Variants in CUX2 observed in about 807,000 individuals in gnomAD.
CUX2 encodes the protein homeobox protein cut-like 2.
In CUX2, 40 loss-of-function variants were observed where a neutral mutation model predicts 144.8. The observed-to-expected ratio is 0.28, with a 90% CI of 0.21 to 0.36. CUX2 has a LOEUF of 0.36. Among genes scored for constraint, CUX2 ranks in the 10% least tolerant of loss-of-function variants. CUX2 has a pLI of 1.00. For missense variants in CUX2, 1,615 were observed against 1,994.0 expected (o/e 0.81, Z 3.62); for synonymous variants, 827 against 875.6 (o/e 0.94, Z 0.98).
intron 16 of CUX2, among the ~76,000 whole-genome samples, chr12:111,318,802 G>A (rs1278666941): frequency 1.3e-5 from 2 of 151,628 alleles, no homozygotes; most frequent in Non-Finnish European, 2.9e-5. Flanking sequence ...AGACCCTGAG[G>A]TACAGGTGTG....
At chr12:111,133,179 A>T (rs1246234473) in intron 1 of CUX2, among the ~76,000 whole-genome samples, 1 of 151,936 alleles carries the variant, frequency 6.6e-6, no homozygotes. Flanking sequence ...ACATTTCCAC[A>T]TTTTCCTGTC....
intron 3 of CUX2, among the ~76,000 whole-genome samples, chr12:111,228,706 G>A (rs901164615): frequency 5.3e-5 from 8 of 152,138 alleles, no homozygotes; most frequent in African/African-American, 1.9e-4. Flanking sequence ...TTACAGGTGT[G>A]AGCCACTGTG....
At chr12:111,208,534 C>T (rs1457220478) in intron 1 of CUX2, among the ~76,000 whole-genome samples, 1 of 152,196 alleles carries the variant, frequency 6.6e-6, no homozygotes, top group Non-Finnish European at 1.5e-5. Context: ...AGCCAAGACC[C>T]ACCCTCCCCT....
At chr12:111,127,320 C>T (rs1167481110) in intron 1 of CUX2, among the ~76,000 whole-genome samples, 1 of 152,210 alleles carries the variant, frequency 6.6e-6, no homozygotes. Context: ...AGGGTCTGGG[C>T]CATTAGCAGT....
intron 1 of CUX2, among the ~76,000 whole-genome samples, chr12:111,188,588 G>A (rs1879693580): frequency 2.0e-5 from 3 of 152,142 alleles, no homozygotes; most frequent in Admixed American, 2.0e-4. Flanking sequence ...AAGGTCCTGA[G>A]GTAGCCAGAT....
intron 1 of CUX2, among the ~76,000 whole-genome samples, chr12:111,088,977 C>A (rs1159315972): frequency 2.6e-5 from 4 of 152,144 alleles, no homozygotes; most frequent in Non-Finnish European, 5.9e-5. Flanking sequence ...GAGTTACGAC[C>A]CCCTCCCCAC....
At position 111,255,394 on chromosome 12, in the gene CUX2, G is replaced by A. The variant is rs7295764; in HGVS notation, c.223-8367G>A. Among the ~76,000 whole-genome samples the A allele has an allele frequency of 0.25, 38,019 of 152,196 alleles. 5,300 individuals are homozygous for A. The highest frequency in any genetic ancestry group is 0.46 in the East Asian group (2,373 of 5,186). Reference sequence around the variant, plus strand: ...ATCACTGATGGATGGCAGAGAGCACGTTAGCACTCGCCAGGGAACGGGGGC... The same window carrying A: ...ATCACTGATGGATGGCAGAGAGCACATTAGCACTCGCCAGGGAACGGGGGC... On this transcript the variant is annotated intron_variant, in intron 3 of 21. Coordinates refer to ENST00000261726, the MANE Select transcript of CUX2 (RefSeq NM_015267.4). This position sits in a 1 kb window ranked among gnomAD's most constrained non-coding sequence, Gnocchi z 4.1.
rs1274247703 is a variant in CUX2, at chr12:111,349,618, A to G, written c.*1293A>G. 1.3e-5 allele frequency: 2 copies of G among 152,126 alleles called. No individual in the cohort carries two copies. Among genetic ancestry groups the G allele is most frequent in the East Asian group, 1.9e-4 (1 of 5,184 alleles). 9.4% of individuals were successfully genotyped at this position (152,126 alleles called of 1,614,324 possible). ...AATCTATCCTCCTACCTTCCAACGC[A>G]TGACCTGTTGGGGAGCAGAGACTTA... is the stretch of plus-strand genomic sequence containing the variant. On this transcript the variant is annotated 3_prime_UTR_variant, in exon 22 of 22. Transcript: ENST00000261726.
chr12:111,122,653 GTCTGGGATCT>G (rs1455168293), intron 1 of CUX2, among the ~76,000 whole-genome samples: 1 of 152,200 alleles, frequency 6.6e-6, no homozygotes, highest in Non-Finnish European at 1.5e-5. Context: ...TGGCCCCCTA[GTCTGGGATCT>G]TCTGGAAAGA....
intron 1 of CUX2, among the ~76,000 whole-genome samples, chr12:111,188,272 T>C (rs928458762): frequency 6.6e-6 from 1 of 152,116 alleles, no homozygotes; most frequent in African/African-American, 2.4e-5. Flanking sequence ...AGGTGAGAAA[T>C]GGCGGAGGAA....
chr12:111,200,836 C>T (rs1045078757), intron 1 of CUX2, among the ~76,000 whole-genome samples: 3 of 152,202 alleles, frequency 2.0e-5, no homozygotes, highest in Admixed American at 2.0e-4. Flanking sequence ...ATGAATGCTT[C>T]CATCTTCGTG....
chr12:111,251,943 G>A (rs1198437647), intron 3 of CUX2, among the ~76,000 whole-genome samples: 1 of 152,112 alleles, frequency 6.6e-6, no homozygotes, highest in Non-Finnish European at 1.5e-5. Context: ...GCTTTAGGAG[G>A]TCAAGGCAGG....
intron 3 of CUX2, among the ~76,000 whole-genome samples, chr12:111,241,292 G>A (rs1883007899): frequency 6.6e-6 from 1 of 152,062 alleles, no homozygotes; most frequent in African/African-American, 2.4e-5. Flanking sequence ...CACCCCCACG[G>A]CCCAAACACT....
chr12:111,158,914 A>C (rs950854849), intron 1 of CUX2, among the ~76,000 whole-genome samples: 6 of 152,180 alleles, frequency 3.9e-5, no homozygotes, highest in African/African-American at 1.4e-4. Flanking sequence ...GGCCTTGGGA[A>C]CAACACTCAG....
chr12:111,207,581 T>C (rs1362627788), intron 1 of CUX2, among the ~76,000 whole-genome samples: 2 of 152,210 alleles, frequency 1.3e-5, no homozygotes, highest in African/African-American at 4.8e-5. Context: ...TCATAATCAC[T>C]GCTCATCTTT....
chr12:111,093,006 A>AGTTTT (rs1324817495), intron 1 of CUX2, among the ~76,000 whole-genome samples: 1 of 151,830 alleles, frequency 6.6e-6, no homozygotes, highest in African/African-American at 2.4e-5. Flanking sequence ...TGTAGAGACA[A>AGTTTT]GTTTTTGCCA....
intron 1 of CUX2, among the ~76,000 whole-genome samples, chr12:111,170,158 G>A (rs1878426016): frequency 6.6e-6 from 1 of 152,178 alleles, no homozygotes; most frequent in African/African-American, 2.4e-5. Context: ...AACAATAACT[G>A]GCCAGGCGTG....
At chr12:111,144,275 C>T (rs1296127657) in intron 1 of CUX2, among the ~76,000 whole-genome samples, 1 of 152,238 alleles carries the variant, frequency 6.6e-6, no homozygotes, top group Admixed American at 6.5e-5. Flanking sequence ...AGAGGCTTAA[C>T]TGAGCAGCTT....
intron 1 of CUX2, among the ~76,000 whole-genome samples, chr12:111,048,208 A>G (rs1459070400): frequency 6.6e-6 from 1 of 152,242 alleles, no homozygotes; most frequent in Non-Finnish European, 1.5e-5. Flanking sequence ...GATCCAATTT[A>G]TGTTTGGCTC....
Sources: allele counts gnomAD v4.1 joint callset (sites outside exome capture counted in the v4.1 genomes callset), GRCh38; gene constraint gnomAD v4.1.1; non-coding constraint Gnocchi (gnomAD v3.1); transcripts MANE v1.5; gene names NCBI Gene and HGNC (gene_info 2026-07-23, HGNC 2026-07-21).